The following HAS3 variants were observed in gnomAD, a reference collection of about 807,000 sequenced individuals.
The protein encoded by HAS3 is hyaluronan synthase 3, also known as HA synthase 3.
HAS3 carries 27 observed loss-of-function variants against 50.3 expected under a neutral mutation model. The observed-to-expected ratio is 0.54, with a 90% CI of 0.40 to 0.74. The LOEUF is 0.74. Ranked by LOEUF, HAS3 falls within the 30% of genes least tolerant of loss-of-function variation. The pLI, the probability that HAS3 is intolerant of heterozygous loss-of-function variation, is 0.00. For missense variants in HAS3, 517 were observed against 742.8 expected (o/e 0.70, Z 3.53); for synonymous variants, 339 against 310.9 (o/e 1.09, Z -0.95).
chr16:69,115,801 G>A lies in HAS3; in HGVS notation c.*535G>A, dbSNP rs1391353903. 7 of 985,866 alleles carry A rather than the reference G, an allele frequency of 7.1e-6. No individual in the cohort carries two copies. Among genetic ancestry groups the A allele is most frequent in the Admixed American group, 6.2e-5 (1 of 16,260 alleles). The allele number at this position is 985,866 out of a possible 1,614,324, so 61.1% of individuals were successfully genotyped here. On this transcript the variant is annotated 3_prime_UTR_variant, in exon 4 of 4. Transcript: ENST00000569188. ...ACAAGGCCCAGAAGCCTGATCTTTG[G>A]GCATCAGAAAACAGGGTCCAGGAAT...
Position 69,114,362 on chromosome 16 carries a change from C to T in HAS3, c.758C>T (p.Ser253Leu), listed in dbSNP as rs1406639501. The change falls in exon 4 of 4, where the codon TCA (serine) becomes TTA (leucine). Residue 253 changes from serine (S) to leucine (L), a missense_variant. Transcript: ENST00000569188. The surrounding 1 kb of genome is among the most constrained non-coding windows in gnomAD (Gnocchi z 6.4). ...GDVQILNKYD[S>L]WISFLSSVRY... The stretch of plus-strand genomic sequence containing the variant: ...TTGCAGATCCTCAACAAGTACGACT[C>T]ATGGATTTCCTTCCTGAGCAGCGTG... 2 of 1,602,856 alleles carry T rather than the reference C, an allele frequency of 1.2e-6. No individual in the cohort carries two copies. The highest frequency in any genetic ancestry group is 2.7e-5 in the African/African-American group (2 of 74,890).
chr16:69,118,418 G>A (rs757193734), downstream of HAS3: 1 of 1,613,628 alleles, frequency 6.2e-7, no homozygotes, highest in Admixed American at 1.7e-5. Flanking sequence ...CAGAGCTACG[G>A]AAGCATGGTC....
chr16:69,085,801 A>ACTC, the HAS3 span, among the ~76,000 whole-genome samples: 2 of 149,476 alleles, frequency 1.3e-5, no homozygotes, highest in African/African-American at 4.9e-5. Flanking sequence ...CTGATCTTGA[A>ACTC]CTCCTGGCCT....
chr16:69,111,224 C>T (rs1053302653), intron 2 of HAS3, among the ~76,000 whole-genome samples: 2 of 129,576 alleles, frequency 1.5e-5, no homozygotes, highest in African/African-American at 3.0e-5. Context: ...GTGTGCACCA[C>T]AACACCCAGC....
At chr16:69,099,487 C>G in the HAS3 span, among the ~76,000 whole-genome samples, 1 of 151,914 alleles carries the variant, frequency 6.6e-6, no homozygotes, top group Non-Finnish European at 1.5e-5. Context: ...ACCACCATGC[C>G]CAGCTAATTT....
rs977297768 is a variant in HAS3, at chr16:69,116,636, C to T, written c.*1370C>T. On this transcript the variant is annotated 3_prime_UTR_variant, in exon 4 of 4. Transcript: ENST00000569188. ...ACCAAACTAGGAGATGAAACTGGTT[C>T]CTACATCCTAAGGTTCTTGCTTTCT... 3.0e-5 allele frequency: 30 copies of T among 985,116 alleles called. No individual in the cohort carries two copies. Among genetic ancestry groups the T allele is most frequent in the Non-Finnish European group, 3.6e-5 (30 of 829,706 alleles). 61.0% of individuals were successfully genotyped at this position (985,116 alleles called of 1,614,324 possible).
chr16:69,115,217 G>A lies in HAS3; in HGVS notation c.1613G>A (p.Arg538Gln), dbSNP rs534959741. 2.7e-5 allele frequency: 41 copies of A among 1,546,384 alleles called. No individual in the cohort carries two copies. The South Asian group carries it at 2.8e-4, about 11-fold the overall frequency. ...LMLYLAIIAR[R>Q]CGKKPEQYSL... ...CTATATCTGGCCATCATCGCCCGGC[G>A]ATGTGGGAAGAAGCCGGAGCAGTAC... Residue 538 changes from arginine (R) to glutamine (Q), a missense_variant, in exon 4 of 4, where the codon CGA becomes CAA. Physicochemically the swap from Arg to Gln is conservative, Grantham distance 43. Transcript: ENST00000569188.
chr16:69,102,192 G>A (rs1960703993), upstream of HAS3, among the ~76,000 whole-genome samples: 1 of 152,214 alleles, frequency 6.6e-6, no homozygotes. Flanking sequence ...ACTCAGAGCA[G>A]GGCTTCAGCG....
chr16:69,112,935 T>TTA (rs1212083820), intron 2 of HAS3, among the ~76,000 whole-genome samples: 1 of 152,218 alleles, frequency 6.6e-6, no homozygotes, highest in Non-Finnish European at 1.5e-5. Flanking sequence ...AGCAGCCTTA[T>TTA]TACTGGTCTC....
chr16:69,107,836 A>G lies in HAS3; in HGVS notation c.1-1560A>G. ...GGAAGCACACGGCGGGCTCCCCGGG[A>G]CGGTGGGGCAGAGCGCCCGGAGGCC... On this transcript the variant is annotated intron_variant, in intron 1 of 3. Transcript: ENST00000569188. This position sits in a 1 kb window ranked among gnomAD's most constrained non-coding sequence, Gnocchi z 5.5. The G allele has an allele frequency of 2.0e-6, 1 of 498,178 alleles. No individual in the cohort carries two copies. Among genetic ancestry groups the G allele is most frequent in the Non-Finnish European group, 2.6e-6 (1 of 384,212 alleles). 30.9% of individuals were successfully genotyped at this position (498,178 alleles called of 1,614,324 possible).
At chr16:69,103,002 CATGTGT>C (rs1292010333), upstream of HAS3, among the ~76,000 whole-genome samples, 1,241 of 115,162 alleles carry the variant, frequency 0.011, 26 homozygotes, top group South Asian at 0.1. Flanking sequence ...GTGGAGTGTG[CATGTGT>C]GTGTGTGTGT....
chr16:69,086,361 G>A, the HAS3 span, among the ~76,000 whole-genome samples: 1 of 151,804 alleles, frequency 6.6e-6, no homozygotes, highest in Non-Finnish European at 1.5e-5. Flanking sequence ...ACAGGGTCTT[G>A]CTATGTTGCC....
chr16:69,117,321 C>T lies in HAS3; in HGVS notation c.*2055C>T, dbSNP rs1961227292. On this transcript the variant is annotated 3_prime_UTR_variant, in exon 4 of 4. Coordinates refer to ENST00000569188, the MANE Select transcript of HAS3 (RefSeq NM_001199280.2). ...CATCAGCTCTGCCTTGCACTGTGGT[C>T]GTCAACTTTCCTCAAATCAAAAACA... 1.0e-6 allele frequency: 1 copy of T among 985,808 alleles called. No homozygotes were observed. The highest frequency in any genetic ancestry group is 4.7e-5 in the South Asian group (1 of 21,288). The allele number at this position is 985,808 out of a possible 1,614,324, so 61.1% of individuals were successfully genotyped here. A position where few individuals can be genotyped will look rare whatever the true frequency, so the allele number is the denominator to read the frequency against.
At chr16:69,088,644 G>A in the HAS3 span, among the ~76,000 whole-genome samples, 1 of 152,044 alleles carries the variant, frequency 6.6e-6, no homozygotes, top group Non-Finnish European at 1.5e-5. Context: ...AGGGAGGAGC[G>A]TGGGAACAGT....
Position 69,116,872 on chromosome 16 carries a change from C to A in HAS3, c.*1606C>A, listed in dbSNP as rs1961207538. 1 of 985,346 alleles carries A rather than the reference C, an allele frequency of 1.0e-6. No homozygotes were observed. The highest frequency in any genetic ancestry group is 4.7e-5 in the South Asian group (1 of 21,296). 61.0% of individuals were successfully genotyped at this position (985,346 alleles called of 1,614,324 possible). On this transcript the variant is annotated 3_prime_UTR_variant, in exon 4 of 4. Coordinates refer to ENST00000569188, the MANE Select transcript of HAS3 (RefSeq NM_001199280.2). ...AGGGGCCAGCTAACCCGTGCAGAAC[C>A]AGCACTAAGGTGGACAGCAGACAAG...
chr16:69,087,328 T>G, the HAS3 span, among the ~76,000 whole-genome samples: 1 of 152,252 alleles, frequency 6.6e-6, no homozygotes. Context: ...CCCAGGCTTC[T>G]GCCCAAGCTT....
At chr16:69,095,102 C>G in the HAS3 span, among the ~76,000 whole-genome samples, 1 of 152,128 alleles carries the variant, frequency 6.6e-6, no homozygotes, top group South Asian at 2.1e-4. Flanking sequence ...GTGCCTCAGC[C>G]TCCCAAGTAG....
At chr16:69,084,518 G>A in the HAS3 span, 1 of 152,370 alleles carries the variant, frequency 6.6e-6, no homozygotes, top group South Asian at 2.1e-4. Flanking sequence ...TGGAAAGAAT[G>A]CATGCTGGTG....
Position 69,114,560 on chromosome 16 carries a change from A to T in HAS3, c.956A>T (p.His319Leu). The change falls in exon 4 of 4, where the codon CAC (histidine) becomes CTC (leucine). Residue 319 changes from histidine (H) to leucine (L), a missense_variant. His to Leu is a moderately conservative substitution (Grantham distance 99, BLOSUM62 -3). Coordinates refer to ENST00000569188, the MANE Select transcript of HAS3 (RefSeq NM_001199280.2). The surrounding 1 kb of genome is among the most constrained non-coding windows in gnomAD (Gnocchi z 6.4). ...AAGTGCAGCTTCGGGGATGACCGGC[A>T]CCTCACCAACCGAGTCCTGAGCCTT... ...GSKCSFGDDR[H>L]LTNRVLSLGY... The T allele has an allele frequency of 6.2e-7, 1 of 1,614,010 alleles. No individual in the cohort carries two copies. Among genetic ancestry groups the T allele is most frequent in the Non-Finnish European group, 8.5e-7 (1 of 1,179,998 alleles).
Sources: gnomAD v4.1 joint callset for allele counts (sites outside exome capture counted in the v4.1 genomes callset) on GRCh38, gnomAD v4.1.1 for gene constraint, Gnocchi (gnomAD v3.1) non-coding constraint, MANE v1.5 for transcripts, NCBI Gene and HGNC (gene_info 2026-07-23, HGNC 2026-07-21) for gene names.